ZNF821: variants seen among roughly 807,000 people sequenced by gnomAD.
ZNF821 encodes zinc finger protein 821.
In ZNF821, 16 loss-of-function variants were observed where a neutral mutation model predicts 44.3. That is an observed-to-expected ratio of 0.36 (90% CI 0.24 to 0.55). The LOEUF (loss-of-function observed/expected upper bound fraction) is 0.55, where lower values mean the gene tolerates loss of function less well. Ranked by LOEUF, ZNF821 falls within the 20% of genes least tolerant of loss-of-function variation. The pLI is 0.86. For missense variants in ZNF821, 436 were observed against 547.6 expected, an observed-to-expected ratio of 0.80 and a Z score of 2.03; for synonymous variants, 204 against 197.6, an observed-to-expected ratio of 1.03 and a Z score of -0.27.
chr16:71,886,789 A>G (rs1453112677), upstream of ZNF821, among the ~76,000 whole-genome samples: 1 of 152,198 alleles, frequency 6.6e-6, no homozygotes, highest in African/African-American at 2.4e-5. Context: ...CACCCCAAAA[A>G]GAAATCCCAT....
intron 6 of ZNF821, among the ~76,000 whole-genome samples, chr16:71,862,460 G>A (rs1306471680): frequency 6.6e-6 from 1 of 152,102 alleles, no homozygotes; most frequent in African/African-American, 2.4e-5. Context: ...AGGTAATACA[G>A]CGAAATTCTG....
chr16:71,883,150 A>G, intron 2 of ZNF821, 61 bp downstream of exon 2: 1 of 456,458 alleles, frequency 2.2e-6, no homozygotes, highest in Non-Finnish European at 4.4e-6. Flanking sequence ...CACACCACAG[A>G]CTTTGGCAAG....
chr16:71,874,062 G>A (rs2035534539), intron 3 of ZNF821, among the ~76,000 whole-genome samples: 1 of 150,938 alleles, frequency 6.6e-6, no homozygotes, highest in Admixed American at 6.6e-5. Context: ...AGGTCAGAGC[G>A]ATTTTCCTGC....
intron 6 of ZNF821, among the ~76,000 whole-genome samples, chr16:71,863,843 G>A (rs542519327): frequency 3.3e-5 from 5 of 152,246 alleles, no homozygotes; most frequent in Non-Finnish European, 5.9e-5. Context: ...GACTACAGGC[G>A]CATGCCACCA....
chr16:71,859,835 C>T lies in ZNF821; in HGVS notation c.*183G>A. The T allele has an allele frequency of 1.4e-6, 1 of 701,296 alleles. No individual in the cohort carries two copies. The allele number at this position is 701,296 out of a possible 1,614,324, so 43.4% of individuals were successfully genotyped here. A position where few individuals can be genotyped will look rare whatever the true frequency, so the allele number is the denominator to read the frequency against. ...TCCAGAGCTGCCTTGAGCCAGGTCC[C>T]TCCTGACCCCATCATCCTGTTCCCA... On this transcript the variant is annotated 3_prime_UTR_variant, in exon 8 of 8. Transcript: ENST00000425432.
At chr16:71,879,822 G>T in intron 3 of ZNF821, 85 bp downstream of exon 3, 2 of 1,266,280 alleles carry the variant, frequency 1.6e-6, no homozygotes, top group South Asian at 1.5e-5. Flanking sequence ...ACAAATTAGC[G>T]TGAGCTTCTC....
intron 1 of ZNF821, chr16:71,894,709 T>TTC (rs2142507055): frequency 3.5e-6 from 2 of 571,672 alleles, no homozygotes; most frequent in Admixed American, 6.6e-5. Flanking sequence ...TTTTTTTTTT[T>TTC]TTTTTTTGTA....
intron 3 of ZNF821, 140 bp downstream of exon 3, chr16:71,879,767 C>T (rs989265306): frequency 6.2e-5 from 50 of 808,188 alleles, no homozygotes; most frequent in Non-Finnish European, 9.1e-5. Flanking sequence ...CTTTTTTTCT[C>T]TTCTGCTCAG....
At chr16:71,861,124 G>T (rs1048317551) in intron 7 of ZNF821, among the ~76,000 whole-genome samples, 1 of 152,166 alleles carries the variant, frequency 6.6e-6, no homozygotes, top group Non-Finnish European at 1.5e-5. Context: ...AAAGTGCTGG[G>T]ATTACAGGCG....
chr16:71,860,774 C>T lies in ZNF821; in HGVS notation c.585-102G>A, dbSNP rs1357962636. 6.6e-6 allele frequency: 8 copies of T among 1,205,104 alleles called. No individual in the cohort carries two copies. Among genetic ancestry groups the T allele is most frequent in the Non-Finnish European group, 9.2e-6 (8 of 873,450 alleles). The allele number at this position is 1,205,104 out of a possible 1,614,324, so 74.7% of individuals were successfully genotyped here. On this transcript the variant is annotated intron_variant, in intron 7 of 7. Transcript: ENST00000425432. The surrounding 1 kb of genome is among the most constrained non-coding windows in gnomAD (Gnocchi z 7.3). ...CCTATGAGGCCAGTGGCTCCACGCT[C>T]ACCACAAGGGGTCAGTTTGAATGCT... is the stretch of plus-strand genomic sequence containing the variant.
chr16:71,875,108 G>A (rs1307811329), intron 3 of ZNF821, among the ~76,000 whole-genome samples: 3 of 152,070 alleles, frequency 2.0e-5, no homozygotes, highest in African/African-American at 7.2e-5. Flanking sequence ...GAACATCTGT[G>A]CTCACAGCCC....
At chr16:71,880,844 G>C (rs1485585861) in intron 2 of ZNF821, among the ~76,000 whole-genome samples, 2 of 152,172 alleles carry the variant, frequency 1.3e-5, no homozygotes, top group Non-Finnish European at 2.9e-5. Flanking sequence ...GGAATAAAGA[G>C]AAAAGTTCCC....
At chr16:71,868,134 G>C (rs374489141) in intron 3 of ZNF821, 97 bp from the exon 4 acceptor site, 16 of 1,388,210 alleles carry the variant, frequency 1.2e-5, no homozygotes, top group South Asian at 1.4e-5. Flanking sequence ...GTAGGAGACA[G>C]GCAGGTACCC....
intron 6 of ZNF821, among the ~76,000 whole-genome samples, chr16:71,863,344 G>GT (rs1213199587): frequency 4.0e-5 from 6 of 148,674 alleles, no homozygotes; most frequent in Non-Finnish European, 8.9e-5. Context: ...CCCAGAATGT[G>GT]TTTATCTAAT....
At chr16:71,862,806 C>A (rs925719982) in intron 6 of ZNF821, among the ~76,000 whole-genome samples, 1 of 152,154 alleles carries the variant, frequency 6.6e-6, no homozygotes, top group Middle Eastern at 3.2e-3. Flanking sequence ...GGTACAGGTG[C>A]CCTGTGATTG....
chr16:71,885,384 A>C (rs936315939), upstream of ZNF821: 1 of 152,316 alleles, frequency 6.6e-6, no homozygotes, highest in African/African-American at 2.4e-5. Flanking sequence ...TGGGCAAGTC[A>C]CTTCCCTGTT....
At chr16:71,882,252 G>C (rs1395384797) in intron 2 of ZNF821, 1 of 127,564 alleles carries the variant, frequency 7.8e-6, no homozygotes, top group Non-Finnish European at 1.6e-5. Context: ...CTGGGCGACA[G>C]AACGAGACTC....
chr16:71,861,432 C>T (rs905446734), intron 7 of ZNF821, among the ~76,000 whole-genome samples: 5 of 152,218 alleles, frequency 3.3e-5, no homozygotes, highest in African/African-American at 1.2e-4. Context: ...GACAAGGACA[C>T]AACGTTCCAG....
At chr16:71,870,550 G>A (rs1235395569) in intron 3 of ZNF821, among the ~76,000 whole-genome samples, 1 of 149,054 alleles carries the variant, frequency 6.7e-6, no homozygotes, top group Non-Finnish European at 1.5e-5. Context: ...CGTGATCTTG[G>A]CTCACTGCAG....
Sources: gnomAD v4.1 joint callset for allele counts (sites outside exome capture counted in the v4.1 genomes callset) on GRCh38, gnomAD v4.1.1 for gene constraint, Gnocchi (gnomAD v3.1) non-coding constraint, MANE v1.5 for transcripts, NCBI Gene and HGNC (gene_info 2026-07-23, HGNC 2026-07-21) for gene names.